The following EFCAB5 variants were observed in gnomAD, a reference collection of about 807,000 sequenced individuals.
EFCAB5 encodes the protein EF-hand calcium-binding domain-containing protein 5.
A neutral mutation model predicts 167.9 loss-of-function variants in EFCAB5; 131 were observed. The ratio of observed to expected loss-of-function variants is 0.78; its 90% CI spans 0.68 to 0.90. EFCAB5 has a LOEUF of 0.90. Among genes scored for constraint, EFCAB5 ranks in the 40% least tolerant of loss-of-function variants. The pLI is 0.00. For missense variants in EFCAB5, 1,663 were observed against 1,745.2 expected, an observed-to-expected ratio of 0.95 and a Z score of 0.84; for synonymous variants, 574 against 602.8, an observed-to-expected ratio of 0.95 and a Z score of 0.70.
chr17:29,950,212 T>C (rs2151533488), intron 3 of EFCAB5, among the ~76,000 whole-genome samples: 1 of 152,224 alleles, frequency 6.6e-6, no homozygotes, highest in South Asian at 2.1e-4. Flanking sequence ...TTTATGATGA[T>C]CTGCTTCTAC....
At chr17:30,045,932 T>A (rs1018178943) in intron 8 of EFCAB5, among the ~76,000 whole-genome samples, 9 of 152,020 alleles carry the variant, frequency 5.9e-5, no homozygotes, top group Non-Finnish European at 1.3e-4. Context: ...GTCCCAGCTA[T>A]TCAGGAGGCT....
At chr17:30,066,764 CCATTA>C (rs1162878666) in intron 14 of EFCAB5, among the ~76,000 whole-genome samples, 6 of 151,786 alleles carry the variant, frequency 4.0e-5, no homozygotes, top group Admixed American at 6.6e-5. Context: ...TATTGCCAAA[CCATTA>C]GCTAGACTAA....
Position 29,970,637 on chromosome 17 carries a change from G to GACACACACACACACAC in EFCAB5, c.767+1286_767+1301dup, listed in dbSNP as rs34545008. ...AGAGCGAGATCCAGTCTCAAAAACAGACACACACACACACACACACACACA... is the reference window on the plus strand; with the variant it reads ...AGAGCGAGATCCAGTCTCAAAAACAGACACACACACACACACACACACACACACACACACACACACA... On this transcript the variant is annotated intron_variant, in intron 4 of 22. Transcript: ENST00000394835. Among the ~76,000 whole-genome samples the GACACACACACACACAC allele has an allele frequency of 3.8e-3, 534 of 138,726 alleles. 8 individuals are homozygous for GACACACACACACACAC. Among genetic ancestry groups the GACACACACACACACAC allele is most frequent in the Middle Eastern group, 0.011 (3 of 272 alleles). The allele number at this position is 138,726 out of a possible 152,430, so 91.0% of individuals were successfully genotyped here.
At chr17:29,953,179 G>A (rs72825855) in intron 3 of EFCAB5, among the ~76,000 whole-genome samples, 2 of 152,196 alleles carry the variant, frequency 1.3e-5, no homozygotes, top group Non-Finnish European at 2.9e-5. Flanking sequence ...GATAACCTCA[G>A]CAAAGTCTCA....
At chr17:29,948,687 G>A (rs73265718) in intron 3 of EFCAB5, among the ~76,000 whole-genome samples, 14,625 of 152,144 alleles carry the variant, frequency 0.096, 1,619 homozygotes, top group African/African-American at 0.27. Context: ...AATACATATC[G>A]TTGCATAGAA....
chr17:30,080,189 G>A lies in EFCAB5; in HGVS notation c.3145G>A (p.Asp1049Asn), dbSNP rs1427516066. Residue 1049 changes from aspartate (D) to asparagine (N), a missense_variant, in exon 16 of 23, where the codon GAT (aspartate) becomes AAT (asparagine). By Grantham distance (23) the Asp-to-Asn change is conservative. Coordinates refer to ENST00000394835, the MANE Select transcript of EFCAB5 (RefSeq NM_198529.4). ...GAGGAATGTGGCTTGTACCTTAGATGATGCTCAATTTGTACTGAACAGAGT... is the reference window on the plus strand; with the variant it reads ...GAGGAATGTGGCTTGTACCTTAGATAATGCTCAATTTGTACTGAACAGAGT... ...LLRNVACTLD[D>N]AQFVLNRVLY... The A allele has an allele frequency of 1.2e-6, 2 of 1,613,466 alleles. No homozygotes were observed. Among genetic ancestry groups the A allele is most frequent in the Admixed American group, 3.3e-5 (2 of 59,908 alleles).
At chr17:30,103,915 G>A (rs1207154541) in intron 22 of EFCAB5, among the ~76,000 whole-genome samples, 1 of 152,198 alleles carries the variant, frequency 6.6e-6, no homozygotes, top group Non-Finnish European at 1.5e-5. Flanking sequence ...GGAGGCTGAG[G>A]CAGGAGAATG....
intron 14 of EFCAB5, among the ~76,000 whole-genome samples, chr17:30,066,798 C>T (rs2070584422): frequency 6.6e-6 from 1 of 151,796 alleles, no homozygotes; most frequent in Non-Finnish European, 1.5e-5. Flanking sequence ...AAAAAAGACC[C>T]AAATGAATAA....
Position 29,964,892 on chromosome 17 carries a change from CTTAT to C in EFCAB5, c.191-3896_191-3893del, listed in dbSNP as rs562167406. Among the ~76,000 whole-genome samples, 37 of 150,658 alleles carry C rather than the reference CTTAT, an allele frequency of 2.5e-4. 1 individual carries two copies. Among genetic ancestry groups the C allele is most frequent in the African/African-American group, 8.0e-4 (33 of 41,152 alleles). On this transcript the variant is annotated intron_variant, in intron 3 of 22. Transcript: ENST00000394835. ...CGAGTTTCTTAAGGTGTATAGGTTACTTATTTGACTTTTTTTTTTTCTTTTTTGA... is the reference window on the plus strand; with the variant it reads ...CGAGTTTCTTAAGGTGTATAGGTTACTTGACTTTTTTTTTTTCTTTTTTGA...
intron 14 of EFCAB5, among the ~76,000 whole-genome samples, chr17:30,062,024 T>G (rs996740087): frequency 6.6e-6 from 1 of 152,250 alleles, no homozygotes; most frequent in Admixed American, 6.5e-5. Context: ...CTATTAACAT[T>G]CTTGGCTATG....
intron 4 of EFCAB5, chr17:29,972,657 G>C (rs146901143): frequency 6.0e-6 from 1 of 166,332 alleles, no homozygotes; most frequent in Non-Finnish European, 1.3e-5. Flanking sequence ...GTCTTGTGGC[G>C]GCCTGTTAGG....
chr17:30,021,577 A>G (rs2069181379), intron 7 of EFCAB5, among the ~76,000 whole-genome samples: 1 of 151,516 alleles, frequency 6.6e-6, no homozygotes, highest in African/African-American at 2.4e-5. Context: ...TCTAATTAAT[A>G]TTAGTTTTCC....
Position 29,982,728 on chromosome 17 carries a change from GTCAC to G in EFCAB5, c.768-10433_768-10430del, listed in dbSNP as rs1486615823. ...TATAGCAATGATCTGGTATACTGAG[GTCAC>G]TCAAAGTTCATGGTCAATTATCCAC... On this transcript the variant is annotated intron_variant, in intron 4 of 22. Coordinates refer to ENST00000394835, the MANE Select transcript of EFCAB5 (RefSeq NM_198529.4). 1.9e-4 allele frequency among the ~76,000 whole-genome samples: 29 copies of G among 152,276 alleles called. No individual in the cohort carries two copies. The South Asian group carries it at 2.1e-3, about 11-fold the overall frequency.
At chr17:30,029,080 A>C (rs929945303) in intron 7 of EFCAB5, among the ~76,000 whole-genome samples, 2 of 152,182 alleles carry the variant, frequency 1.3e-5, no homozygotes, top group African/African-American at 4.8e-5. Flanking sequence ...TTAATTTGTC[A>C]TTTTTATTAT....
chr17:29,936,742 T>C (rs1326424676), upstream of EFCAB5, among the ~76,000 whole-genome samples: 2 of 152,234 alleles, frequency 1.3e-5, no homozygotes, highest in Admixed American at 1.3e-4. Context: ...ATATATCTCT[T>C]AAAGACAGTT....
intron 3 of EFCAB5, among the ~76,000 whole-genome samples, chr17:29,949,485 T>A (rs2067465898): frequency 6.6e-6 from 1 of 152,244 alleles, no homozygotes; most frequent in African/African-American, 2.4e-5. Flanking sequence ...AGTGAGAAAT[T>A]AATAGTTATT....
chr17:30,056,234 A>G, intron 12 of EFCAB5, 78 bp downstream of exon 12: 2 of 1,354,966 alleles, frequency 1.5e-6, no homozygotes, highest in Middle Eastern at 2.5e-4. Context: ...TCGATGATAA[A>G]GACTGAATTT....
intron 8 of EFCAB5, among the ~76,000 whole-genome samples, chr17:30,049,219 C>T (rs968858066): frequency 6.6e-6 from 1 of 152,026 alleles, no homozygotes; most frequent in Non-Finnish European, 1.5e-5. Flanking sequence ...GGGTTTATGA[C>T]CTTGTTAAAA....
intron 22 of EFCAB5, among the ~76,000 whole-genome samples, chr17:30,093,528 T>C (rs2071239708): frequency 1.3e-5 from 2 of 152,210 alleles, no homozygotes; most frequent in South Asian, 4.1e-4. Context: ...TAGAAATTGC[T>C]CACTAAATCT....
Sources: allele counts gnomAD v4.1 joint callset (sites outside exome capture counted in the v4.1 genomes callset), GRCh38; gene constraint gnomAD v4.1.1; transcripts MANE v1.5; gene names NCBI Gene and HGNC (gene_info 2026-07-23, HGNC 2026-07-21).